MUSK: variants seen among roughly 807,000 people sequenced by gnomAD.
MUSK encodes muscle associated receptor tyrosine kinase, also known as muscle, skeletal receptor tyrosine-protein kinase.
MUSK carries 55 observed loss-of-function variants against 88.7 expected under a neutral mutation model. That is an observed-to-expected ratio of 0.62 (90% CI 0.50 to 0.78). The LOEUF (loss-of-function observed/expected upper bound fraction) is 0.78. Among genes scored for constraint, MUSK ranks in the 30% least tolerant of loss-of-function variants. MUSK has a pLI of 0.00. For synonymous variants in MUSK, 387 were observed against 391.9 expected, an observed-to-expected ratio of 0.99 and a Z score of 0.15; for missense variants, 1,015 against 1,074.3, an observed-to-expected ratio of 0.94 and a Z score of 0.77.
At position 110,715,570 on chromosome 9, in the gene MUSK, C is replaced by T. The variant is rs1013049690; in HGVS notation, c.628+18104C>T. On this transcript the variant is annotated intron_variant, in intron 5 of 14. Transcript: ENST00000374448. ...TTTACCAAATGGTCAGAGATTTTCT[C>T]AAGATATTGACTATAAGGAAAATGA... 2.9e-4 allele frequency among the ~76,000 whole-genome samples: 43 copies of T among 148,584 alleles called. 7 individuals carry two copies. The highest frequency in any genetic ancestry group is 1.1e-3 in the African/African-American group (42 of 38,698).
At chr9:110,698,366 CT>C (rs1481732787) in intron 5 of MUSK, among the ~76,000 whole-genome samples, 2 of 152,166 alleles carry the variant, frequency 1.3e-5, no homozygotes, top group Admixed American at 1.3e-4. Flanking sequence ...ATCTATTTTT[CT>C]GCTTTTCTCT....
intron 7 of MUSK, among the ~76,000 whole-genome samples, chr9:110,754,080 C>G (rs2077282069): frequency 6.6e-6 from 1 of 152,208 alleles, no homozygotes; most frequent in Admixed American, 6.5e-5. Context: ...ATCAACAAAA[C>G]AGACACCATC....
intron 7 of MUSK, among the ~76,000 whole-genome samples, chr9:110,755,736 T>C (rs1265110677): frequency 6.6e-6 from 1 of 151,856 alleles, no homozygotes; most frequent in African/African-American, 2.4e-5. Context: ...CCTTCCCTTC[T>C]TCCCTTTCCT....
intron 6 of MUSK, 44 bp downstream of exon 6, chr9:110,734,419 G>A (rs370466894): frequency 1.2e-5 from 20 of 1,611,802 alleles, no homozygotes; most frequent in Non-Finnish European, 1.7e-5. Context: ...AAGACCCATT[G>A]GTGGTGAACT....
rs556588815 is a variant in MUSK at position 110,803,967 on chromosome 9, C to T, written c.*2979C>T. The stretch of plus-strand genomic sequence containing the variant: ...GCAGTCATTTTTAGTGATCAAATAC[C>T]AAACATGGTAAGATACCAGAGTATT... On this transcript the variant is annotated 3_prime_UTR_variant, in exon 15 of 15. Transcript: ENST00000374448. Among the ~76,000 whole-genome samples the T allele has an allele frequency of 7.9e-5, 12 of 152,160 alleles. No individual in the cohort carries two copies. Among genetic ancestry groups the T allele is most frequent in the African/African-American group, 2.6e-4 (11 of 41,524 alleles).
At position 110,755,954 on chromosome 9, in the gene MUSK, A is replaced by ATATATATATATATACACG. The variant is rs1564268738; in HGVS notation, c.914-6238_914-6237insTATACACGTATATATATA. On this transcript the variant is annotated intron_variant, in intron 7 of 14. Coordinates refer to ENST00000374448, the MANE Select transcript of MUSK (RefSeq NM_005592.4). ...TATACATATATATATATATATACAC[A>ATATATATATATATACACG]TATATATATACATATATATATATAC... Among the ~76,000 whole-genome samples, 22 of 110,518 alleles carry ATATATATATATATACACG rather than the reference A, an allele frequency of 2.0e-4. No homozygotes were observed. The East Asian group carries it at 6.9e-3, about 34-fold the overall frequency. 72.5% of individuals were successfully genotyped at this position (110,518 alleles called of 152,430 possible).
intron 5 of MUSK, among the ~76,000 whole-genome samples, chr9:110,717,571 G>A (rs188189592): frequency 6.7e-6 from 1 of 150,042 alleles, no homozygotes; most frequent in African/African-American, 2.5e-5. Flanking sequence ...CAATTTTCAT[G>A]TGCCTTTTTT....
intron 11 of MUSK, among the ~76,000 whole-genome samples, chr9:110,783,683 C>G (rs1370305119): frequency 2.0e-5 from 3 of 151,872 alleles, no homozygotes; most frequent in Non-Finnish European, 2.9e-5. Context: ...TTATTAACTT[C>G]TGCTTGTGTA....
intron 9 of MUSK, among the ~76,000 whole-genome samples, chr9:110,773,330 T>C (rs1206112391): frequency 6.6e-6 from 1 of 152,114 alleles, no homozygotes; most frequent in African/African-American, 2.4e-5. Flanking sequence ...TTAGCATAAT[T>C]GTACTGAATC....
intron 5 of MUSK, among the ~76,000 whole-genome samples, chr9:110,699,763 T>G (rs149992495): frequency 1.2e-3 from 184 of 152,314 alleles, no homozygotes; most frequent in African/African-American, 4.0e-3. Flanking sequence ...AGCATATGTA[T>G]GTATCAAGTC....
At chr9:110,771,161 CTTTTTT>C (rs34185224) in intron 9 of MUSK, among the ~76,000 whole-genome samples, 3 of 96,434 alleles carry the variant, frequency 3.1e-5, no homozygotes, top group Admixed American at 1.4e-4. Context: ...TCATTTCCTT[CTTTTTT>C]TTTTTTTTTT....
intron 5 of MUSK, among the ~76,000 whole-genome samples, chr9:110,730,954 C>T (rs1171658744): frequency 6.6e-6 from 1 of 152,022 alleles, no homozygotes; most frequent in African/African-American, 2.4e-5. Flanking sequence ...ACCTGGTAAA[C>T]TTACTTACAC....
chr9:110,690,243 TATAA>T (rs1564219586), intron 3 of MUSK, among the ~76,000 whole-genome samples: 1 of 80,636 alleles, frequency 1.2e-5, no homozygotes, highest in South Asian at 3.7e-4. Context: ...TTTAAGTATA[TATAA>T]ATATATATAA....
intron 7 of MUSK, among the ~76,000 whole-genome samples, chr9:110,754,487 C>T (rs528500618): frequency 6.6e-6 from 1 of 152,220 alleles, no homozygotes; most frequent in East Asian, 1.9e-4. Context: ...GCCATACACC[C>T]CCACAAAAAT....
intron 3 of MUSK, 75 bp downstream of exon 3, chr9:110,687,343 T>A: frequency 8.4e-7 from 1 of 1,191,372 alleles, no homozygotes; most frequent in South Asian, 1.6e-5. Context: ...ATTTTTTACA[T>A]TTTTTTTTTG....
chr9:110,673,806 T>C (rs2075991023), intron 1 of MUSK, among the ~76,000 whole-genome samples: 1 of 152,190 alleles, frequency 6.6e-6, no homozygotes, highest in African/African-American at 2.4e-5. Context: ...GTATTTAAGA[T>C]TGATTTTGAA....
chr9:110,689,283 A>ATAAATATATAGCTATATATTTATATT (rs2076249504), intron 3 of MUSK, among the ~76,000 whole-genome samples: 1 of 118,596 alleles, frequency 8.4e-6, no homozygotes, highest in African/African-American at 3.5e-5. Flanking sequence ...ATATTTATAT[A>ATAAATATATAGCTATATATTTATATT]TAAATATATA....
rs773708598 is a variant in MUSK at position 110,747,720 on chromosome 9, G to A, written c.833G>A (p.Gly278Glu). ...SRLQLFITKP[G>E]LYTCIATNKH... ...CTGCAGCTGTTTATCACCAAGCCAG[G>A]ACTCTACACATGCATAGCTACCAAT... is the stretch of plus-strand genomic sequence containing the variant. The change falls in exon 7 of 15, where the codon GGA (glycine) becomes GAA (glutamate). Residue 278 changes from glycine (G) to glutamate (E), a missense_variant. Gly to Glu is a moderately conservative substitution (Grantham distance 98). Coordinates refer to ENST00000374448, the MANE Select transcript of MUSK (RefSeq NM_005592.4). 1 of 1,613,810 alleles carries A rather than the reference G, an allele frequency of 6.2e-7. No homozygotes were observed. Among genetic ancestry groups the A allele is most frequent in the East Asian group, 2.2e-5 (1 of 44,858 alleles).
intron 14 of MUSK, among the ~76,000 whole-genome samples, chr9:110,790,301 G>A (rs2077951395): frequency 6.6e-6 from 1 of 151,964 alleles, no homozygotes; most frequent in Admixed American, 6.6e-5. Flanking sequence ...CAAAAGAAGA[G>A]GAAGAGAAAA....
Sources: allele counts gnomAD v4.1 joint callset (sites outside exome capture counted in the v4.1 genomes callset), GRCh38; gene constraint gnomAD v4.1.1; transcripts MANE v1.5; gene names NCBI Gene and HGNC (gene_info 2026-07-23, HGNC 2026-07-21).